The following ZDHHC17 variants were observed in gnomAD, a reference collection of about 807,000 sequenced individuals.
ZDHHC17 encodes the protein zDHHC palmitoyltransferase 17, also known as palmitoyltransferase ZDHHC17.
A neutral mutation model predicts 90.3 loss-of-function variants in ZDHHC17; 40 were observed. The observed-to-expected ratio is 0.44, with a 90% CI of 0.34 to 0.58. The LOEUF (loss-of-function observed/expected upper bound fraction) is 0.58. Ranked by LOEUF, ZDHHC17 falls within the 20% of genes least tolerant of loss-of-function variation. The pLI is 0.01. For synonymous variants in ZDHHC17, 235 were observed against 252.4 expected (o/e 0.93, Z 0.65); for missense variants, 614 against 780.8 (o/e 0.79, Z 2.55).
intron 2 of ZDHHC17, among the ~76,000 whole-genome samples, chr12:76,804,184 T>A (rs982962215): frequency 1.1e-4 from 17 of 152,178 alleles, no homozygotes; most frequent in Non-Finnish European, 2.5e-4. Flanking sequence ...AGTCCTTACA[T>A]CTCTCATAAT....
At chr12:76,779,669 A>C (rs1353589572) in intron 1 of ZDHHC17, among the ~76,000 whole-genome samples, 1 of 152,198 alleles carries the variant, frequency 6.6e-6, no homozygotes, top group Non-Finnish European at 1.5e-5. Context: ...CAAAAGTTTT[A>C]ATTTTGATGA....
chr12:76,836,250 G>A (rs4761343), intron 10 of ZDHHC17, among the ~76,000 whole-genome samples: 90,978 of 151,646 alleles, frequency 0.6, 27,342 homozygotes, highest in East Asian at 0.67. Context: ...ATTATTAACT[G>A]CATGTTTATT....
intron 2 of ZDHHC17, among the ~76,000 whole-genome samples, chr12:76,798,912 C>T (rs75636931): frequency 2.0e-5 from 3 of 152,192 alleles, no homozygotes; most frequent in South Asian, 2.1e-4. Context: ...GATCCAGTCA[C>T]CTCTCACCAG....
chr12:76,775,534 A>G (rs1952549553), intron 1 of ZDHHC17, among the ~76,000 whole-genome samples: 1 of 152,238 alleles, frequency 6.6e-6, no homozygotes, highest in Non-Finnish European at 1.5e-5. Flanking sequence ...GTAAGTCTGT[A>G]AAAGATTTTT....
intron 10 of ZDHHC17, chr12:76,840,893 A>T (rs1488804853): frequency 6.6e-6 from 1 of 152,130 alleles, no homozygotes; most frequent in Non-Finnish European, 1.5e-5. Flanking sequence ...ACCTTTTCAA[A>T]ACTTGTGATA....
intron 1 of ZDHHC17, among the ~76,000 whole-genome samples, chr12:76,778,457 A>G (rs530093044): frequency 1.1e-4 from 16 of 152,138 alleles, no homozygotes; most frequent in Non-Finnish European, 2.4e-4. Context: ...TCATGACCTC[A>G]GGTGATCTGC....
chr12:76,836,846 A>G (rs1953369975), intron 10 of ZDHHC17, among the ~76,000 whole-genome samples: 1 of 152,146 alleles, frequency 6.6e-6, no homozygotes, highest in South Asian at 2.1e-4. Flanking sequence ...ATTATTAAGT[A>G]TGTGTAAGTT....
chr12:76,825,285 A>G (rs1376029454), intron 8 of ZDHHC17, among the ~76,000 whole-genome samples: 1 of 152,230 alleles, frequency 6.6e-6, no homozygotes, highest in African/African-American at 2.4e-5. Context: ...ATCTATAATT[A>G]TTCCAAAATA....
intron 3 of ZDHHC17, 25 bp from the exon 4 acceptor site, chr12:76,809,018 A>G (rs10778920): frequency 0.6 from 818,783 of 1,373,828 alleles, 245,343 homozygotes; most frequent in East Asian, 0.72. Flanking sequence ...AAGTTATTTA[A>G]ATTATTATAA....
intron 10 of ZDHHC17, among the ~76,000 whole-genome samples, chr12:76,837,086 C>T (rs191158831): frequency 1.3e-5 from 2 of 152,114 alleles, no homozygotes; most frequent in African/African-American, 4.8e-5. Flanking sequence ...CATCTCTGGT[C>T]TCCATGGGGT....
intron 2 of ZDHHC17, among the ~76,000 whole-genome samples, chr12:76,802,837 A>C (rs568149795): frequency 3.9e-4 from 60 of 152,228 alleles, no homozygotes; most frequent in Non-Finnish European, 2.8e-4. Context: ...ACGAGCTTAC[A>C]TTGATTTGAG....
intron 10 of ZDHHC17, among the ~76,000 whole-genome samples, chr12:76,832,669 A>G (rs977607163): frequency 2.0e-5 from 3 of 152,202 alleles, no homozygotes; most frequent in African/African-American, 4.8e-5. Flanking sequence ...TATCTAACAC[A>G]TGTATTTTTT....
intron 2 of ZDHHC17, among the ~76,000 whole-genome samples, chr12:76,803,460 G>A (rs898193552): frequency 6.6e-6 from 1 of 152,040 alleles, no homozygotes; most frequent in Non-Finnish European, 1.5e-5. Flanking sequence ...GAGAATTCTC[G>A]ACTTATACCC....
chr12:76,823,182 T>G (rs1953187179), intron 8 of ZDHHC17, among the ~76,000 whole-genome samples: 1 of 152,232 alleles, frequency 6.6e-6, no homozygotes, highest in South Asian at 2.1e-4. Flanking sequence ...TTCTAGTGAA[T>G]GCTTGTTTGT....
chr12:76,781,409 T>C (rs1410431008), intron 1 of ZDHHC17, among the ~76,000 whole-genome samples: 1 of 152,208 alleles, frequency 6.6e-6, no homozygotes, highest in Non-Finnish European at 1.5e-5. Context: ...CTAAAACTTA[T>C]GTTGAAAGTT....
At chr12:76,776,077 A>G (rs912121987) in intron 1 of ZDHHC17, among the ~76,000 whole-genome samples, 6 of 152,094 alleles carry the variant, frequency 3.9e-5, no homozygotes, top group African/African-American at 1.4e-4. Flanking sequence ...TCCATTGAAT[A>G]ATTGATGTAA....
intron 10 of ZDHHC17, among the ~76,000 whole-genome samples, chr12:76,839,120 C>T (rs1164497483): frequency 2.0e-5 from 3 of 152,180 alleles, no homozygotes; most frequent in Admixed American, 6.5e-5. Context: ...AGGCTCCCAC[C>T]CTTATGACTT....
At chr12:76,804,319 C>T (rs1952928779) in intron 2 of ZDHHC17, among the ~76,000 whole-genome samples, 1 of 152,152 alleles carries the variant, frequency 6.6e-6, no homozygotes, top group Non-Finnish European at 1.5e-5. Context: ...AAATAACCTG[C>T]TACTATTAAA....
chr12:76,767,123 A>G (rs997377089), intron 1 of ZDHHC17, among the ~76,000 whole-genome samples: 3 of 152,102 alleles, frequency 2.0e-5, no homozygotes, highest in African/African-American at 7.2e-5. Flanking sequence ...GAACTGGCAC[A>G]TTGTAGGTGC....
Sources: allele counts gnomAD v4.1 joint callset (sites outside exome capture counted in the v4.1 genomes callset), GRCh38; gene constraint gnomAD v4.1.1; transcripts MANE v1.5; gene names NCBI Gene and HGNC (gene_info 2026-07-23, HGNC 2026-07-21).